ATG4C: variants seen among roughly 807,000 people sequenced by gnomAD.
ATG4C encodes autophagy related 4C cysteine peptidase.
In ATG4C, 56 loss-of-function variants were observed where a neutral mutation model predicts 57.6. That is an observed-to-expected ratio of 0.97 (90% CI 0.78 to 1.21). The LOEUF is 1.21. ATG4C is among the 50% of genes most tolerant of loss of function. The pLI, the probability that ATG4C is intolerant of heterozygous loss-of-function variation, is 0.00. For missense variants in ATG4C, 595 were observed against 529.8 expected (o/e 1.12, Z -1.21); for synonymous variants, 157 against 174.1 (o/e 0.90, Z 0.78).
At chr1:62,843,326 A>G (rs1666229147) in intron 10 of ATG4C, among the ~76,000 whole-genome samples, 1 of 152,166 alleles carries the variant, frequency 6.6e-6, no homozygotes, top group Non-Finnish European at 1.5e-5. Context: ...ATTTTGTAAG[A>G]ATCAATTAAC....
intron 1 of ATG4C, among the ~76,000 whole-genome samples, chr1:62,787,467 A>G (rs1403642005): frequency 6.6e-6 from 1 of 152,254 alleles, no homozygotes; most frequent in Non-Finnish European, 1.5e-5. Context: ...TGGTACATAC[A>G]TAAATATACA....
chr1:62,864,132 T>G lies in ATG4C; in HGVS notation c.1350T>G (p.Phe450Leu). 2 of 1,605,642 alleles carry G rather than the reference T, an allele frequency of 1.2e-6. No homozygotes were observed. The highest frequency in any genetic ancestry group is 1.7e-6 in the Non-Finnish European group (2 of 1,177,284). Residue 450 changes from phenylalanine (F) to leucine (L), a missense_variant, in exon 11 of 11, where the codon TTT becomes TTG. By Grantham distance (22) the Phe-to-Leu change is conservative. Transcript: ENST00000317868. ...ATGAAAAGAAACAATTAAAAAGATT[T>G]AGCACGGAAGAGTTTGTCTTGCTTT... ...SEDEKKQLKR[F>L]STEEFVLL
intron 1 of ATG4C, among the ~76,000 whole-genome samples, chr1:62,798,083 A>G (rs113525757): frequency 0.039 from 5,872 of 152,240 alleles, 389 homozygotes; most frequent in African/African-American, 0.13. Flanking sequence ...TAGCCTCCCA[A>G]AGTGTGGGGA....
chr1:62,815,758 C>T (rs1194733284), intron 3 of ATG4C, among the ~76,000 whole-genome samples: 1 of 152,212 alleles, frequency 6.6e-6, no homozygotes, highest in Non-Finnish European at 1.5e-5. Context: ...GATCTTGGCT[C>T]ACTGCAACCT....
At chr1:62,803,242 G>T (rs75642265) in intron 1 of ATG4C, among the ~76,000 whole-genome samples, 1 of 152,228 alleles carries the variant, frequency 6.6e-6, no homozygotes, top group East Asian at 1.9e-4. Flanking sequence ...AAAATAATTA[G>T]ACTTTATGTG....
chr1:62,841,249 C>A lies in ATG4C; in HGVS notation c.1090-179C>A, dbSNP rs553989206. On this transcript the variant is annotated intron_variant, in intron 9 of 10. Coordinates refer to ENST00000317868, the MANE Select transcript of ATG4C (RefSeq NM_032852.4). ...AATTAAATATATAAAAATGTTGGCTCTTATATTTTACAGTTTTGCAGAGTG... is the reference window on the plus strand; with the variant it reads ...AATTAAATATATAAAAATGTTGGCTATTATATTTTACAGTTTTGCAGAGTG... 3.9e-5 allele frequency among the ~76,000 whole-genome samples: 6 copies of A among 152,226 alleles called. No homozygotes were observed. The South Asian group carries it at 1.2e-3, about 32-fold the overall frequency.
intron 10 of ATG4C, among the ~76,000 whole-genome samples, chr1:62,863,114 A>G (rs1011255828): frequency 1.1e-4 from 16 of 152,000 alleles, no homozygotes; most frequent in African/African-American, 3.6e-4. Flanking sequence ...TTTAACAGAA[A>G]TATTTAAAAT....
chr1:62,850,844 GTGTA>G (rs1553230124), intron 10 of ATG4C, among the ~76,000 whole-genome samples: 2 of 51,296 alleles, frequency 3.9e-5, no homozygotes, highest in South Asian at 6.8e-4. Context: ...ATGTATGTGT[GTGTA>G]TGTATGTATA....
intron 1 of ATG4C, among the ~76,000 whole-genome samples, chr1:62,800,299 A>T (rs1664615464): frequency 1.3e-5 from 2 of 152,174 alleles, no homozygotes; most frequent in Non-Finnish European, 2.9e-5. Context: ...AATTTTTTTA[A>T]ATTCTAAAAA....
intron 1 of ATG4C, chr1:62,785,302 T>G (rs905840456): frequency 2.0e-5 from 3 of 152,212 alleles, no homozygotes; most frequent in African/African-American, 7.2e-5. Context: ...TGATAAAGCT[T>G]CTTCTTTGAA....
At chr1:62,823,955 A>G (rs957499852) in intron 6 of ATG4C, among the ~76,000 whole-genome samples, 1 of 152,176 alleles carries the variant, frequency 6.6e-6, no homozygotes, top group Non-Finnish European at 1.5e-5. Context: ...AAATACTTCT[A>G]TTAAATATTG....
intron 7 of ATG4C, among the ~76,000 whole-genome samples, chr1:62,830,008 C>T (rs1403102492): frequency 6.6e-6 from 1 of 151,898 alleles, no homozygotes; most frequent in African/African-American, 2.4e-5. Flanking sequence ...ATGAGGCATC[C>T]CATGTTATAG....
chr1:62,814,810 A>T (rs1665210264), intron 3 of ATG4C, among the ~76,000 whole-genome samples: 1 of 152,156 alleles, frequency 6.6e-6, no homozygotes. Flanking sequence ...CACGCCTATA[A>T]TCCCAACACT....
chr1:62,837,407 T>A (rs537050289), intron 9 of ATG4C, among the ~76,000 whole-genome samples: 41 of 152,300 alleles, frequency 2.7e-4, no homozygotes, highest in Non-Finnish European at 5.0e-4. Context: ...ACTCACACTG[T>A]AATTTTCAAA....
At chr1:62,804,089 C>CTTTTTTTTTTTTTTTTTT (rs71692941) in intron 2 of ATG4C, among the ~76,000 whole-genome samples, 1 of 140,554 alleles carries the variant, frequency 7.1e-6, no homozygotes, top group African/African-American at 2.6e-5. Flanking sequence ...CTCCTTTTTT[C>CTTTTTTTTTTTTTTTTTT]TTTTTTTTTT....
chr1:62,858,600 G>C (rs1666756054), intron 10 of ATG4C, among the ~76,000 whole-genome samples: 1 of 152,108 alleles, frequency 6.6e-6, no homozygotes, highest in African/African-American at 2.4e-5. Flanking sequence ...AATGAAGGAG[G>C]AGATAGAGAA....
At chr1:62,826,281 G>C (rs1423471496) in intron 6 of ATG4C, among the ~76,000 whole-genome samples, 1 of 147,080 alleles carries the variant, frequency 6.8e-6, no homozygotes, top group Non-Finnish European at 1.5e-5. Context: ...TGTCACCCAG[G>C]CTGGAGTGCA....
chr1:62,834,657 C>T (rs1469515059), intron 8 of ATG4C, 119 bp from the exon 9 acceptor site: 5 of 703,030 alleles, frequency 7.1e-6, no homozygotes, highest in Non-Finnish European at 1.2e-5. Flanking sequence ...CAATGAATAT[C>T]AGTCTGGCAA....
At chr1:62,837,936 G>T (rs1420281012) in intron 9 of ATG4C, among the ~76,000 whole-genome samples, 1 of 152,132 alleles carries the variant, frequency 6.6e-6, no homozygotes, top group Non-Finnish European at 1.5e-5. Flanking sequence ...GATCACAGGT[G>T]GGTGCCACCA....
Sources: gnomAD v4.1 joint callset for allele counts (sites outside exome capture counted in the v4.1 genomes callset) on GRCh38, gnomAD v4.1.1 for gene constraint, MANE v1.5 for transcripts, NCBI Gene and HGNC (gene_info 2026-07-23, HGNC 2026-07-21) for gene names.